The following TSSK3 variants were observed in gnomAD, a reference collection of about 807,000 sequenced individuals.
TSSK3 encodes the protein testis-specific serine/threonine-protein kinase 3.
Under a neutral mutation model 18.9 loss-of-function variants are expected in TSSK3, and 16 were observed. The observed-to-expected ratio is 0.85, with a 90% CI of 0.57 to 1.28. The LOEUF (loss-of-function observed/expected upper bound fraction) is 1.28, where lower values mean the gene tolerates loss of function less well. TSSK3 is among the 50% of genes most tolerant of loss of function. The probability of loss-of-function intolerance (pLI) is 0.00; values close to 1 mark genes in which losing one functional copy is unlikely to be tolerated. For synonymous variants in TSSK3, 146 were observed against 133.9 expected, an observed-to-expected ratio of 1.09 and a Z score of -0.62; for missense variants, 345 against 341.0, an observed-to-expected ratio of 1.01 and a Z score of -0.09.
At position 32,362,719 on chromosome 1, in the gene TSSK3, C is replaced by T; in HGVS notation, c.18C>T (p.Leu6=). The T allele has an allele frequency of 6.2e-7, 1 of 1,614,186 alleles. No homozygotes were observed. The highest frequency in any genetic ancestry group is 8.5e-7 in the Non-Finnish European group (1 of 1,180,036). The part of the protein sequence containing the change: MEDFL[L]SNGYQLGKTI... Reference sequence around the variant, plus strand: ...TAGACAGCATGGAGGACTTTCTGCTCTCCAATGGGTACCAGCTGGGCAAGA... The same window carrying T: ...TAGACAGCATGGAGGACTTTCTGCTTTCCAATGGGTACCAGCTGGGCAAGA... The change falls in exon 1 of 2, where the codon CTC becomes CTT. Residue 6 remains leucine, a synonymous_variant. Coordinates refer to ENST00000373534, the MANE Select transcript of TSSK3 (RefSeq NM_052841.4).
chr1:32,364,183 T>C lies in TSSK3; in HGVS notation c.734T>C (p.Leu245Pro). The change falls in exon 2 of 2, where the codon CTC becomes CCC. Residue 245 changes from leucine (L) to proline (P), a missense_variant. Physicochemically the swap from Leu to Pro is moderately conservative, Grantham distance 98 (BLOSUM62 -3). Transcript: ENST00000373534. Reference sequence around the variant, plus strand: ...GATTGCCAGGACCTGCTCAAGAGGCTCCTGGAACCCGATATGATCCTCCGG... The same window carrying C: ...GATTGCCAGGACCTGCTCAAGAGGCCCCTGGAACCCGATATGATCCTCCGG... ...SADCQDLLKR[L>P]LEPDMILRPS... The C allele has an allele frequency of 6.2e-7, 1 of 1,613,828 alleles. No individual in the cohort carries two copies. Among genetic ancestry groups the C allele is most frequent in the Non-Finnish European group, 8.5e-7 (1 of 1,179,794 alleles).
chr1:32,364,045 T>C lies in TSSK3; in HGVS notation c.596T>C (p.Val199Ala). ...KKGDVWSMGV[V>A]LYVMLCASLP... ...GGTGATGTCTGGAGCATGGGTGTGG[T>C]CCTGTATGTCATGCTCTGTGCCAGC... The change falls in exon 2 of 2, where the codon GTC (valine) becomes GCC (alanine). Residue 199 changes from valine (V) to alanine (A), a missense_variant. Transcript: ENST00000373534. 1 of 1,614,192 alleles carries C rather than the reference T, an allele frequency of 6.2e-7. No homozygotes were observed. Among genetic ancestry groups the C allele is most frequent in the Non-Finnish European group, 8.5e-7 (1 of 1,180,016 alleles).
In TSSK3 at chr1:32,363,882, T is replaced by C. The variant is rs146578454; in HGVS notation, c.433T>C (p.Phe145Leu). 3.4e-5 allele frequency: 55 copies of C among 1,614,050 alleles called. No individual in the cohort carries two copies. Among genetic ancestry groups the C allele is most frequent in the Non-Finnish European group, 4.4e-5 (52 of 1,180,050 alleles). The change falls in exon 2 of 2, where the codon TTC (phenylalanine) becomes CTC (leucine). Residue 145 changes from phenylalanine to leucine, a missense_variant. By Grantham distance (22) the Phe-to-Leu change is conservative (BLOSUM62 0). Coordinates refer to ENST00000373534, the MANE Select transcript of TSSK3 (RefSeq NM_052841.4). The stretch of plus-strand genomic sequence containing the variant: ...ATGTGAGAACGCCTTGTTGCAGGGC[T>C]TCAACCTGAAGCTGACTGACTTTGG... ...LKCENALLQG[F>L]NLKLTDFGFA... is the part of the protein sequence containing the mutation.
intron 1 of TSSK3, 126 bp from the exon 2 acceptor site, chr1:32,363,469 G>T: frequency 1.2e-6 from 1 of 859,696 alleles, no homozygotes; most frequent in South Asian, 1.8e-5. Context: ...ACACACTTAA[G>T]ACCATTAAGA....
chr1:32,363,042 C>A (rs1448542253), intron 1 of TSSK3, 196 bp downstream of exon 1: 6 of 606,250 alleles, frequency 9.9e-6, no homozygotes, highest in East Asian at 8.4e-5. Flanking sequence ...TACACCCCCC[C>A]AGAATGCAAG....
rs554990065 is a variant in TSSK3, at chr1:32,362,578, T to TG, written c.-119dup. 3.5e-6 allele frequency: 4 copies of TG among 1,156,010 alleles called. No homozygotes were observed. The African/African-American group carries it at 4.6e-5, about 13-fold the overall frequency. The allele number at this position is 1,156,010 out of a possible 1,614,324, so 71.6% of individuals were successfully genotyped here. Reference sequence around the variant, plus strand: ...GTCCAGACAGAGAATGTTCTAACGCTGGGGGCGGCTGCGGATGAAGTCCTT... The same window carrying TG: ...GTCCAGACAGAGAATGTTCTAACGCTGGGGGGCGGCTGCGGATGAAGTCCTT... On this transcript the variant is annotated 5_prime_UTR_variant, in exon 1 of 2. Transcript: ENST00000373534.
Position 32,363,823 on chromosome 1 carries a change from G to A in TSSK3, c.374G>A (p.Cys125Tyr), listed in dbSNP as rs1641758442. The A allele has an allele frequency of 6.2e-7, 1 of 1,614,216 alleles. No homozygotes were observed. Among genetic ancestry groups the A allele is most frequent in the East Asian group, 2.2e-5 (1 of 44,888 alleles). ...FRQMVEAIRY[C>Y]HGCGVAHRDL... The stretch of plus-strand genomic sequence containing the variant: ...CAGATGGTTGAGGCCATCCGCTACT[G>A]CCATGGCTGTGGTGTGGCCCACCGG... Residue 125 changes from cysteine (C) to tyrosine (Y), a missense_variant, in exon 2 of 2, where the codon TGC becomes TAC. Physicochemically the swap from Cys to Tyr is radical, Grantham distance 194. Transcript: ENST00000373534.
At chr1:32,363,073 A>G (rs1364501864) in intron 1 of TSSK3, 1 of 534,416 alleles carries the variant, frequency 1.9e-6, no homozygotes, top group Admixed American at 3.2e-5. Context: ...CATGAGGTGA[A>G]GGATCCTCAG....
rs759186390 is a variant in TSSK3, at chr1:32,364,125, G to T, written c.676G>T (p.Val226Leu). The T allele has an allele frequency of 6.2e-7, 1 of 1,614,234 alleles. No homozygotes were observed. The highest frequency in any genetic ancestry group is 8.5e-7 in the Non-Finnish European group (1 of 1,180,050). Residue 226 changes from valine (V) to leucine (L), a missense_variant, in exon 2 of 2, where the codon GTG becomes TTG. Coordinates refer to ENST00000373534, the MANE Select transcript of TSSK3 (RefSeq NM_052841.4). ...GATGCTGTGGCAGCAGCAGAAGGGG[G>T]TGTCCTTCCCCACTCATCTGAGCAT... ...PKMLWQQQKG[V>L]SFPTHLSISA...
At position 32,364,031 on chromosome 1, in the gene TSSK3, G is replaced by A; in HGVS notation, c.582G>A (p.Trp194Ter). Residue 194 changes from tryptophan to a stop codon, truncating the protein, a stop_gained, in exon 2 of 2, where the codon TGG becomes TGA. Transcript: ENST00000373534. LOFTEE classifies it high-confidence loss of function. ...ACGATAGCAAAAAAGGTGATGTCTGGAGCATGGGTGTGGTCCTGTATGTCA... is the reference window on the plus strand; with the variant it reads ...ACGATAGCAAAAAAGGTGATGTCTGAAGCATGGGTGTGGTCCTGTATGTCA... ...IPHDSKKGDV[W>*]SMGVVLYVML... The A allele has an allele frequency of 2.5e-6, 4 of 1,614,234 alleles. No homozygotes were observed. Among genetic ancestry groups the A allele is most frequent in the Admixed American group, 1.7e-5 (1 of 60,024 alleles).
intron 1 of TSSK3, 178 bp downstream of exon 1, chr1:32,363,024 A>T: frequency 1.5e-6 from 1 of 678,536 alleles, no homozygotes; most frequent in Non-Finnish European, 2.5e-6. Context: ...CTGGGAGTCC[A>T]GGAACATTAC....
intron 1 of TSSK3, 165 bp downstream of exon 1, chr1:32,363,011 G>T: frequency 1.4e-6 from 1 of 740,642 alleles, no homozygotes; most frequent in Admixed American, 2.4e-5. Flanking sequence ...GAACAGAGGG[G>T]TTCTGGGAGT....
At chr1:32,363,525 C>G in intron 1 of TSSK3, 70 bp from the exon 2 acceptor site, 1 of 1,468,350 alleles carries the variant, frequency 6.8e-7, no homozygotes. Context: ...AGTTGGAAGG[C>G]AGGAGACAGG....
Position 32,363,778 on chromosome 1 carries a change from G to T in TSSK3, c.329G>T (p.Arg110Leu), listed in dbSNP as rs573695875. 1 of 1,614,114 alleles carries T rather than the reference G, an allele frequency of 6.2e-7. No homozygotes were observed. Among genetic ancestry groups the T allele is most frequent in the Non-Finnish European group, 8.5e-7 (1 of 1,180,040 alleles). The change falls in exon 2 of 2, where the codon CGG (arginine) becomes CTG (leucine). Residue 110 changes from arginine to leucine, a missense_variant. Coordinates refer to ENST00000373534, the MANE Select transcript of TSSK3 (RefSeq NM_052841.4). ...VLNGGPLPESRAKALFRQMVE... is the reference protein window; with the variant it reads ...VLNGGPLPESLAKALFRQMVE... ...AATGGGGGGCCACTGCCTGAAAGCCGGGCCAAGGCCCTCTTCCGTCAGATG... is the reference window on the plus strand; with the variant it reads ...AATGGGGGGCCACTGCCTGAAAGCCTGGCCAAGGCCCTCTTCCGTCAGATG...
chr1:32,363,012 T>C (rs777482793), intron 1 of TSSK3, 166 bp downstream of exon 1: 5 of 739,910 alleles, frequency 6.8e-6, no homozygotes, highest in African/African-American at 1.8e-5. Context: ...AACAGAGGGG[T>C]TCTGGGAGTC....
chr1:32,363,032 T>C, intron 1 of TSSK3, 186 bp downstream of exon 1: 7 of 635,326 alleles, frequency 1.1e-5, no homozygotes, highest in Non-Finnish European at 1.9e-5. Context: ...CCAGGAACAT[T>C]ACACCCCCCC....
At position 32,363,887 on chromosome 1, in the gene TSSK3, C is replaced by T. The variant is rs1180454275; in HGVS notation, c.438C>T (p.Asn146=). ...KCENALLQGF[N]LKLTDFGFAK... Reference sequence around the variant, plus strand: ...AGAACGCCTTGTTGCAGGGCTTCAACCTGAAGCTGACTGACTTTGGCTTTG... The same window carrying T: ...AGAACGCCTTGTTGCAGGGCTTCAATCTGAAGCTGACTGACTTTGGCTTTG... The change falls in exon 2 of 2, where the codon AAC becomes AAT. Residue 146 remains asparagine, a synonymous_variant. Coordinates refer to ENST00000373534, the MANE Select transcript of TSSK3 (RefSeq NM_052841.4). 3 of 1,614,238 alleles carry T rather than the reference C, an allele frequency of 1.9e-6. No individual in the cohort carries two copies. The highest frequency in any genetic ancestry group is 2.2e-5 in the East Asian group (1 of 44,886).
At position 32,362,658 on chromosome 1, in the gene TSSK3, GCA is replaced by G; in HGVS notation, c.-43_-42del. 6.2e-7 allele frequency: 1 copy of G among 1,607,984 alleles called. No individual in the cohort carries two copies. Among genetic ancestry groups the G allele is most frequent in the Non-Finnish European group, 8.5e-7 (1 of 1,176,882 alleles). On this transcript the variant is annotated 5_prime_UTR_variant, in exon 1 of 2. An upstream open reading frame in the 5' UTR gains an earlier in-frame stop. Transcript: ENST00000373534. ...GGTGGAGTAGAGCTGCCTCTCAGAG[GCA>G]GCATGAGCTGAGAGGGTGATAGGAA... is the stretch of plus-strand genomic sequence containing the variant.
rs1413850737 is a variant in TSSK3 at position 32,364,196 on chromosome 1, TATG to T, written c.750_752del (p.Met250del). 1 of 1,612,996 alleles carries T rather than the reference TATG, an allele frequency of 6.2e-7. No homozygotes were observed. ...TGCTCAAGAGGCTCCTGGAACCCGA[TATG>T]ATCCTCCGGCCTTCAATTGAAGAAG... On this transcript the variant is annotated inframe_deletion, in exon 2 of 2. Transcript: ENST00000373534.
Sources: gnomAD v4.1 joint callset for allele counts on GRCh38, gnomAD v4.1.1 for gene constraint, MANE v1.5 for transcripts, NCBI Gene and HGNC (gene_info 2026-07-23, HGNC 2026-07-21) for gene names.